Variants in SLIT3 observed in about 807,000 individuals in gnomAD.
SLIT3 encodes slit guidance ligand 3, also known as slit homolog 3 protein.
SLIT3 carries 68 observed loss-of-function variants against 184.0 expected under a neutral mutation model. That is an observed-to-expected ratio of 0.37 (90% CI 0.30 to 0.45). The LOEUF (loss-of-function observed/expected upper bound fraction) is 0.45, where lower values mean the gene tolerates loss of function less well. Ranked by LOEUF, SLIT3 falls within the 20% of genes least tolerant of loss-of-function variation. SLIT3 has a pLI of 1.00. For missense variants in SLIT3, 1,707 were observed against 2,026.0 expected, an observed-to-expected ratio of 0.84 and a Z score of 3.02; for synonymous variants, 831 against 828.6, an observed-to-expected ratio of 1.00 and a Z score of -0.05.
At chr5:169,071,784 G>A (rs968958828) in intron 4 of SLIT3, among the ~76,000 whole-genome samples, 2 of 152,130 alleles carry the variant, frequency 1.3e-5, no homozygotes, top group African/African-American at 4.8e-5. Flanking sequence ...TTGGCCTCTT[G>A]TTCAGGAAAT....
chr5:168,912,540 G>A (rs1275730606), intron 4 of SLIT3, among the ~76,000 whole-genome samples: 1 of 152,140 alleles, frequency 6.6e-6, no homozygotes, highest in Non-Finnish European at 1.5e-5. Context: ...GTCAAGAATT[G>A]GAACTAGACT....
At chr5:168,790,033 T>A (rs1040919610) in intron 10 of SLIT3, 3 of 172,496 alleles carry the variant, frequency 1.7e-5, no homozygotes, top group Non-Finnish European at 3.7e-5. Flanking sequence ...CCAGGGTTCC[T>A]GTAGGCATCA....
At chr5:168,783,940 C>T (rs1417995646) in intron 12 of SLIT3, among the ~76,000 whole-genome samples, 3 of 152,168 alleles carry the variant, frequency 2.0e-5, no homozygotes, top group South Asian at 2.1e-4. Context: ...GAGTTGCCTT[C>T]GCGACCCATG....
intron 4 of SLIT3, among the ~76,000 whole-genome samples, chr5:168,925,348 T>C (rs527942864): frequency 4.1e-4 from 62 of 152,276 alleles, no homozygotes; most frequent in African/African-American, 1.3e-3. Context: ...CCACCCCAGC[T>C]GCCAGATCTG....
chr5:169,277,612 T>C (rs1454896391), intron 1 of SLIT3, among the ~76,000 whole-genome samples: 2 of 152,218 alleles, frequency 1.3e-5, no homozygotes, highest in East Asian at 3.9e-4. Flanking sequence ...TTGAATAATA[T>C]TCCATTGTAT....
chr5:169,092,893 CG>C (rs1418565753), intron 4 of SLIT3, among the ~76,000 whole-genome samples: 1 of 152,182 alleles, frequency 6.6e-6, no homozygotes, highest in Non-Finnish European at 1.5e-5. Context: ...CATCAGCTAG[CG>C]TGGGCATAGA....
At chr5:168,858,750 C>T (rs971732909) in intron 5 of SLIT3, among the ~76,000 whole-genome samples, 1 of 152,218 alleles carries the variant, frequency 6.6e-6, no homozygotes, top group Non-Finnish European at 1.5e-5. Context: ...TTAAAATGTT[C>T]CATTTCAAGT....
intron 9 of SLIT3, among the ~76,000 whole-genome samples, chr5:168,801,863 G>GGGACGGTGCCATCGGT (rs1756777114): frequency 6.6e-6 from 1 of 152,120 alleles, no homozygotes. Context: ...TCTGGTATTC[G>GGGACGGTGCCATCGGT]GGGACACCAG....
At chr5:169,107,906 C>T (rs914294689) in intron 4 of SLIT3, among the ~76,000 whole-genome samples, 1 of 152,248 alleles carries the variant, frequency 6.6e-6, no homozygotes, top group East Asian at 1.9e-4. Context: ...TTCAGAGAAG[C>T]CTTCTTGACC....
intron 5 of SLIT3, chr5:168,844,875 C>A: frequency 1.1e-5 from 5 of 436,946 alleles, no homozygotes; most frequent in Non-Finnish European, 2.1e-5. Flanking sequence ...GCTGTCAGGT[C>A]TCAGTAAATA....
intron 4 of SLIT3, among the ~76,000 whole-genome samples, chr5:169,186,742 T>C (rs972419718): frequency 2.0e-5 from 3 of 152,132 alleles, no homozygotes; most frequent in Admixed American, 2.0e-4. Flanking sequence ...AAATGGTGAA[T>C]ATGAAGAGGC....
chr5:168,669,066 G>A (rs933410422), intron 35 of SLIT3, among the ~76,000 whole-genome samples: 4 of 152,160 alleles, frequency 2.6e-5, no homozygotes, highest in Admixed American at 6.5e-5. Flanking sequence ...AACATCTCAC[G>A]TACTCCTCCC....
At chr5:169,062,318 C>T (rs921794045) in intron 4 of SLIT3, among the ~76,000 whole-genome samples, 2 of 152,236 alleles carry the variant, frequency 1.3e-5, no homozygotes, top group Middle Eastern at 6.8e-3. Context: ...ATAAATCTAC[C>T]CCATTTGTTT....
intron 4 of SLIT3, among the ~76,000 whole-genome samples, chr5:169,109,400 T>C (rs371011541): frequency 1.5e-3 from 228 of 152,318 alleles, no homozygotes; most frequent in African/African-American, 5.0e-3. Flanking sequence ...TGGAAGAAGA[T>C]TCTTCCCCAG....
chr5:168,798,223 CTT>C (rs747746239), intron 9 of SLIT3, among the ~76,000 whole-genome samples: 9 of 109,016 alleles, frequency 8.3e-5, no homozygotes, highest in Admixed American at 9.0e-5. Flanking sequence ...TCTTCTTCTT[CTT>C]TTTTTTTTTT....
At chr5:168,965,783 G>A (rs1359344971) in intron 4 of SLIT3, among the ~76,000 whole-genome samples, 1 of 152,190 alleles carries the variant, frequency 6.6e-6, no homozygotes, top group Non-Finnish European at 1.5e-5. Context: ...CTGGTTTCTA[G>A]GTAAATAGCT....
chr5:168,805,185 C>T lies in SLIT3; in HGVS notation c.935+1261G>A, dbSNP rs193156745. Among the ~76,000 whole-genome samples, 27 of 152,212 alleles carry T rather than the reference C, an allele frequency of 1.8e-4. No homozygotes were observed. In the East Asian group the frequency reaches 4.2e-3, roughly 24 times the overall value. On this transcript the variant is annotated intron_variant, in intron 9 of 35. Coordinates refer to ENST00000519560, the MANE Select transcript of SLIT3 (RefSeq NM_003062.4). ...TTTTGTTTGTTTCTGTCTTTCCAAG[C>T]ACAGAACAATGACAGGAAAATAGTG... is the stretch of plus-strand genomic sequence containing the variant.
chr5:168,897,646 G>GCGCGCGCGCGCGCACACACACACA, intron 4 of SLIT3, among the ~76,000 whole-genome samples: 1 of 105,382 alleles, frequency 9.5e-6, no homozygotes, highest in Non-Finnish European at 2.0e-5. Context: ...ACAGGTGCAC[G>GCGCGCGCGCGCGCACACACACACA]TACACACACA....
At chr5:168,707,130 C>T (rs1048076509) in intron 26 of SLIT3, 3 of 152,188 alleles carry the variant, frequency 2.0e-5, no homozygotes, top group African/African-American at 7.2e-5. Context: ...ATCACAAAGC[C>T]CAGGGTCTTA....
Sources: allele counts gnomAD v4.1 joint callset (sites outside exome capture counted in the v4.1 genomes callset), GRCh38; gene constraint gnomAD v4.1.1; transcripts MANE v1.5; gene names NCBI Gene and HGNC (gene_info 2026-07-23, HGNC 2026-07-21).